The following FAM53B variants were observed in gnomAD, a reference collection of about 807,000 sequenced individuals.
The protein encoded by FAM53B is protein FAM53B.
FAM53B carries 12 observed loss-of-function variants against 32.7 expected under a neutral mutation model. The observed-to-expected ratio is 0.37, with a 90% confidence interval of 0.24 to 0.59. The LOEUF (loss-of-function observed/expected upper bound fraction) is 0.59, where lower values mean the gene tolerates loss of function less well. FAM53B is among the 20% of genes least tolerant of loss of function. The pLI is 0.72. For synonymous variants in FAM53B, 234 were observed against 228.7 expected (o/e 1.02, Z -0.21); for missense variants, 477 against 577.7 (o/e 0.83, Z 1.79).
intron 4 of FAM53B, among the ~76,000 whole-genome samples, chr10:124,658,235 G>A (rs1205025446): frequency 2.6e-5 from 4 of 152,210 alleles, no homozygotes; most frequent in South Asian, 2.1e-4. Context: ...TAGGGATCCC[G>A]CTTGGCAAAT....
intron 3 of FAM53B, among the ~76,000 whole-genome samples, chr10:124,686,125 A>G (rs1440460938): frequency 1.3e-5 from 2 of 152,226 alleles, no homozygotes; most frequent in African/African-American, 4.8e-5. Flanking sequence ...AGCTTTGTGT[A>G]GACAACCCAA....
At chr10:124,696,076 CT>C in intron 3 of FAM53B, 81 bp downstream of exon 3, 1 of 1,114,942 alleles carries the variant, frequency 9.0e-7, no homozygotes, top group African/African-American at 1.5e-5. Flanking sequence ...CCAGAAAGTG[CT>C]TTGAGTGTCT....
chr10:124,627,730 A>G (rs1411347521), intron 4 of FAM53B, among the ~76,000 whole-genome samples: 1 of 152,114 alleles, frequency 6.6e-6, no homozygotes, highest in Non-Finnish European at 1.5e-5. Context: ...CAGACCCCCT[A>G]GACCTCAGCT....
At position 124,706,850 on chromosome 10, in the gene FAM53B, G is replaced by A; in HGVS notation, c.-137C>T. On this transcript the variant is annotated 5_prime_UTR_variant, in exon 2 of 5. Transcript: ENST00000337318. ...CCCATTGGCCACTCACCCTTGGGGT[G>A]GGGCCCTTCTGGGAAATGGCCAAAT... The A allele has an allele frequency of 6.7e-7, 1 of 1,502,372 alleles. No individual in the cohort carries two copies. The highest frequency in any genetic ancestry group is 2.4e-5 in the East Asian group (1 of 41,220). The allele number at this position is 1,502,372 out of a possible 1,614,324, so 93.1% of individuals were successfully genotyped here.
chr10:124,621,650 A>C lies in FAM53B; in HGVS notation c.*1592T>G, dbSNP rs909508679. On this transcript the variant is annotated 3_prime_UTR_variant, in exon 5 of 5. Transcript: ENST00000337318. The stretch of plus-strand genomic sequence containing the variant: ...CACCATCCTTTTGATGTAGTAAAAA[A>C]ATAAGATTTAAACAACGTTTCCCAA... 6 of 152,238 alleles carry C rather than the reference A, an allele frequency of 3.9e-5. No individual in the cohort carries two copies. The highest frequency in any genetic ancestry group is 1.4e-4 in the African/African-American group (6 of 41,456). The allele number at this position is 152,238 out of a possible 1,614,324, so 9.4% of individuals were successfully genotyped here. A position where few individuals can be genotyped will look rare whatever the true frequency, so the allele number is the denominator to read the frequency against.
Position 124,671,401 on chromosome 10 carries a change from CATG to C in FAM53B, c.906+10203_906+10205del, listed in dbSNP as rs1330243094. ...GAGCAGCTTCCTGTAGCTGCTTCTG[CATG>C]ATATTAATACTTCGTTTTCTCTTCT... On this transcript the variant is annotated intron_variant, in intron 4 of 4. Coordinates refer to ENST00000337318, the MANE Select transcript of FAM53B (RefSeq NM_014661.4). Among the ~76,000 whole-genome samples, 22 of 152,340 alleles carry C rather than the reference CATG, an allele frequency of 1.4e-4. No individual in the cohort carries two copies. In the East Asian group the frequency reaches 3.9e-3, roughly 27 times the overall value.
At chr10:124,703,097 G>T (rs940336856) in intron 2 of FAM53B, among the ~76,000 whole-genome samples, 18 of 151,990 alleles carry the variant, frequency 1.2e-4, no homozygotes, top group African/African-American at 4.1e-4. Context: ...GCTGGAGTGC[G>T]GTAGTGCTGT....
Position 124,681,713 on chromosome 10 carries a change from C to A in FAM53B, c.800G>T (p.Arg267Leu), listed in dbSNP as rs766731243. Reference protein sequence around the residue: ...ARRSSGLSRSRSQPCVLNDKK... With the variant: ...ARRSSGLSRSLSQPCVLNDKK... ...GTCGTTAAGGACACACGGCTGGGAG[C>A]GGCTGCGGGAAAGGCCGCTGGAGCG... The change falls in exon 4 of 5, where the codon CGC (arginine) becomes CTC (leucine). Residue 267 changes from arginine (R) to leucine (L), a missense_variant. This residue lies in a region of FAM53B where 312 missense variants were observed against 420.2 expected (regional missense o/e 0.74). Transcript: ENST00000337318. 1 of 1,610,742 alleles carries A rather than the reference C, an allele frequency of 6.2e-7. No homozygotes were observed. The highest frequency in any genetic ancestry group is 8.5e-7 in the Non-Finnish European group (1 of 1,178,614).
chr10:124,711,325 G>A (rs1171816061), intron 1 of FAM53B, among the ~76,000 whole-genome samples: 1 of 152,182 alleles, frequency 6.6e-6, no homozygotes, highest in Non-Finnish European at 1.5e-5. Context: ...GGGCGTGGGA[G>A]CAGGAGGGAA....
At chr10:124,645,721 A>G (rs1949508422) in intron 4 of FAM53B, among the ~76,000 whole-genome samples, 1 of 152,174 alleles carries the variant, frequency 6.6e-6, no homozygotes, top group Non-Finnish European at 1.5e-5. Flanking sequence ...AGGAGACCCC[A>G]GCATCACCCG....
Position 124,626,396 on chromosome 10 carries a change from C to T in FAM53B, c.907-2792G>A, listed in dbSNP as rs576751926. The stretch of plus-strand genomic sequence containing the variant: ...CTACGGTCGAAATTTGTGCCCCCCC[C>T]CCCCCCACCATTCCTCAGTGCAAAA... On this transcript the variant is annotated intron_variant, in intron 4 of 4. Transcript: ENST00000337318. Among the ~76,000 whole-genome samples the T allele has an allele frequency of 4.1e-5, 6 of 146,792 alleles. No individual in the cohort carries two copies. The South Asian group carries it at 1.4e-3, about 33-fold the overall frequency.
intron 4 of FAM53B, among the ~76,000 whole-genome samples, chr10:124,652,666 A>G (rs1949564075): frequency 1.3e-5 from 2 of 152,196 alleles, no homozygotes; most frequent in African/African-American, 4.8e-5. Context: ...GGGAAAGGAC[A>G]GTATGTATTT....
At position 124,669,065 on chromosome 10, in the gene FAM53B, C is replaced by T. The variant is rs77506743; in HGVS notation, c.906+12542G>A. ...GCAGGGCTGGCTTGGACCTCCTCCC[C>T]GCCATTCAAGACAAGCCATTTTGGG... On this transcript the variant is annotated intron_variant, in intron 4 of 4. Coordinates refer to ENST00000337318, the MANE Select transcript of FAM53B (RefSeq NM_014661.4). 3.8e-3 allele frequency among the ~76,000 whole-genome samples: 581 copies of T among 152,302 alleles called. 15 individuals carry two copies. The East Asian group carries it at 0.094, about 25-fold the overall frequency.
At chr10:124,666,031 T>C (rs1178452997) in intron 4 of FAM53B, among the ~76,000 whole-genome samples, 3 of 152,216 alleles carry the variant, frequency 2.0e-5, no homozygotes, top group African/African-American at 7.2e-5. Flanking sequence ...CAGGCAGTTG[T>C]ATACAGCTGG....
chr10:124,632,360 C>T (rs1276161010), intron 4 of FAM53B, among the ~76,000 whole-genome samples: 3 of 152,254 alleles, frequency 2.0e-5, no homozygotes, highest in South Asian at 2.1e-4. Context: ...CGCAGCTTGG[C>T]GTGAAGAGAA....
At chr10:124,623,640 A>C in intron 4 of FAM53B, 36 bp from the exon 5 acceptor site, 1 of 1,580,910 alleles carries the variant, frequency 6.3e-7, no homozygotes, top group Non-Finnish European at 8.6e-7. Context: ...ACTAAGGGTT[A>C]CTCCCCTCCC....
chr10:124,673,030 A>G (rs1225219006), intron 4 of FAM53B, among the ~76,000 whole-genome samples: 1 of 152,162 alleles, frequency 6.6e-6, no homozygotes, highest in Non-Finnish European at 1.5e-5. Flanking sequence ...GGATTAGGAT[A>G]ATTGATTCTC....
At chr10:124,661,742 G>A (rs577180077) in intron 4 of FAM53B, among the ~76,000 whole-genome samples, 40 of 152,324 alleles carry the variant, frequency 2.6e-4, no homozygotes, top group East Asian at 9.6e-4. Flanking sequence ...TACTGCCCCC[G>A]TTTGGACACT....
At chr10:124,668,588 A>G (rs1949687744) in intron 4 of FAM53B, among the ~76,000 whole-genome samples, 1 of 152,274 alleles carries the variant, frequency 6.6e-6, no homozygotes, top group African/African-American at 2.4e-5. Context: ...AAGGGGACAC[A>G]AGGTACAGAG....
Sources: allele counts gnomAD v4.1 joint callset (sites outside exome capture counted in the v4.1 genomes callset), GRCh38; gene constraint gnomAD v4.1.1; regional missense constraint gnomAD v4.1.1; transcripts MANE v1.5; gene names NCBI Gene and HGNC (gene_info 2026-07-23, HGNC 2026-07-21).